Variants in SEL1L3 observed in about 807,000 individuals in gnomAD.
SEL1L3 encodes the protein SEL1L family member 3.
In SEL1L3, 76 loss-of-function variants were observed where a neutral mutation model predicts 142.8. That is an observed-to-expected ratio of 0.53 (90% CI 0.44 to 0.64). The LOEUF (loss-of-function observed/expected upper bound fraction) is 0.64. SEL1L3 is among the 30% of genes least tolerant of loss of function. The pLI is 0.00. For missense variants in SEL1L3, 1,262 were observed against 1,381.7 expected (o/e 0.91, Z 1.37); for synonymous variants, 504 against 519.6 (o/e 0.97, Z 0.41).
At chr4:25,762,649 T>C (rs1489874663) in intron 20 of SEL1L3, among the ~76,000 whole-genome samples, 4 of 152,270 alleles carry the variant, frequency 2.6e-5, no homozygotes, top group African/African-American at 9.6e-5. Context: ...TGTAATAAAA[T>C]GCACACAATC....
downstream of SEL1L3, among the ~76,000 whole-genome samples, chr4:25,746,548 G>A (rs76708721): frequency 0.61 from 74,019 of 122,020 alleles, 22,586 homozygotes; most frequent in East Asian, 0.69. Flanking sequence ...ATATTCAAAT[G>A]TATATATTTA....
chr4:25,820,070 A>C, intron 7 of SEL1L3, 130 bp from the exon 8 acceptor site: 4 of 785,784 alleles, frequency 5.1e-6, no homozygotes, highest in South Asian at 1.7e-5. Context: ...TACACATATC[A>C]TCCACTCTGG....
chr4:25,820,062 C>T (rs1714651558), intron 7 of SEL1L3, 122 bp from the exon 8 acceptor site: 10 of 849,994 alleles, frequency 1.2e-5, no homozygotes, highest in Non-Finnish European at 1.8e-5. Context: ...CTCGTTTGTA[C>T]ACATATCATC....
chr4:25,747,184 A>G (rs1304294261), downstream of SEL1L3, among the ~76,000 whole-genome samples: 2 of 152,228 alleles, frequency 1.3e-5, no homozygotes, highest in Admixed American at 6.5e-5. Flanking sequence ...CCAGGCTCAG[A>G]GCAGCACAAA....
At chr4:25,807,865 A>G (rs575357962) in intron 9 of SEL1L3, among the ~76,000 whole-genome samples, 1 of 152,358 alleles carries the variant, frequency 6.6e-6, no homozygotes, top group African/African-American at 2.4e-5. Context: ...AGGTTGAAAC[A>G]CAGGCAGTTT....
chr4:25,742,091 C>T, the SEL1L3 span, among the ~76,000 whole-genome samples: 2 of 151,954 alleles, frequency 1.3e-5, no homozygotes, highest in East Asian at 3.9e-4. Flanking sequence ...GGATTACAAG[C>T]GTGAGCCACC....
Position 25,820,078 on chromosome 4 carries a change from T to A in SEL1L3, c.1291-138A>T, listed in dbSNP as rs192213313. ...TCGTTTGTACACATATCATCCACTCTGGATTTGCAAAGCAAGGTCATTGGT... is the reference window on the plus strand; with the variant it reads ...TCGTTTGTACACATATCATCCACTCAGGATTTGCAAAGCAAGGTCATTGGT... On this transcript the variant is annotated intron_variant, in intron 7 of 23. Transcript: ENST00000399878. 1.9e-3 allele frequency: 1,395 copies of A among 738,218 alleles called. 7 individuals carry two copies. The highest frequency in any genetic ancestry group is 2.0e-3 in the Non-Finnish European group (914 of 453,440). The allele number at this position is 738,218 out of a possible 1,614,324, so 45.7% of individuals were successfully genotyped here.
intron 17 of SEL1L3, among the ~76,000 whole-genome samples, chr4:25,769,179 G>C (rs1214612599): frequency 1.3e-5 from 2 of 152,150 alleles, no homozygotes; most frequent in African/African-American, 4.8e-5. Context: ...GGTGGGGAAA[G>C]GTTCGGTGAG....
chr4:25,862,597 G>T, intron 1 of SEL1L3, 78 bp downstream of exon 1: 1 of 730,066 alleles, frequency 1.4e-6, no homozygotes, highest in Non-Finnish European at 1.8e-6. Context: ...CCCGCGTGGC[G>T]GGTGTCCCCG....
the SEL1L3 span, among the ~76,000 whole-genome samples, chr4:25,739,940 AT>A: frequency 6.6e-6 from 1 of 151,316 alleles, no homozygotes; most frequent in Non-Finnish European, 1.5e-5. Context: ...TCATCAATGT[AT>A]TTTTTAACTG....
downstream of SEL1L3, among the ~76,000 whole-genome samples, chr4:25,745,396 A>G (rs75759374): frequency 1.7e-5 from 2 of 117,604 alleles, no homozygotes; most frequent in African/African-American, 4.4e-5. Context: ...CTCAGTCTCA[A>G]AAAAAAAAAA....
chr4:25,822,131 A>G lies in SEL1L3; in HGVS notation c.1158-3T>C. The G allele has an allele frequency of 2.5e-6, 4 of 1,613,950 alleles. No homozygotes were observed. The highest frequency in any genetic ancestry group is 1.7e-6 in the Non-Finnish European group (2 of 1,179,824). The stretch of plus-strand genomic sequence containing the variant: ...TATAATGGAAATCCTCCCGGAAGCT[A>G]GAGAAGAGAATGAAGGATTAAGAGA... On this transcript the variant is annotated splice_polypyrimidine_tract_variant and splice_region_variant and intron_variant, in intron 6 of 23. Coordinates refer to ENST00000399878, the MANE Select transcript of SEL1L3 (RefSeq NM_015187.5).
chr4:25,731,484 C>T, the SEL1L3 span, among the ~76,000 whole-genome samples: 3 of 152,138 alleles, frequency 2.0e-5, no homozygotes, highest in East Asian at 5.8e-4. Context: ...GAAAAGCATC[C>T]TTCCCTCCCT....
At chr4:25,821,483 G>C (rs552596157) in intron 7 of SEL1L3, among the ~76,000 whole-genome samples, 1 of 152,326 alleles carries the variant, frequency 6.6e-6, no homozygotes, top group East Asian at 1.9e-4. Flanking sequence ...TATGGATGTG[G>C]AAGGCACTGT....
At chr4:25,751,982 A>C (rs74818740) in intron 23 of SEL1L3, among the ~76,000 whole-genome samples, 1 of 150,702 alleles carries the variant, frequency 6.6e-6, no homozygotes, top group African/African-American at 2.4e-5. Flanking sequence ...GGTGGCGTGC[A>C]TCTGTAATCT....
At chr4:25,804,446 G>A (rs1285657149) in intron 10 of SEL1L3, 95 bp downstream of exon 10, 3 of 881,960 alleles carry the variant, frequency 3.4e-6, no homozygotes, top group Admixed American at 4.1e-5. Flanking sequence ...TCTCCAAGGA[G>A]CTGCAACATG....
At chr4:25,794,807 A>T (rs1413341103) in intron 11 of SEL1L3, among the ~76,000 whole-genome samples, 1 of 152,204 alleles carries the variant, frequency 6.6e-6, no homozygotes, top group Non-Finnish European at 1.5e-5. Context: ...AATCAACCCA[A>T]ATGCCCATCA....
chr4:25,837,799 T>A (rs1715933318), intron 2 of SEL1L3, among the ~76,000 whole-genome samples: 1 of 152,164 alleles, frequency 6.6e-6, no homozygotes, highest in Non-Finnish European at 1.5e-5. Flanking sequence ...TTTATCAGGA[T>A]AACATATAGA....
chr4:25,839,973 T>G (rs1716068189), intron 2 of SEL1L3, among the ~76,000 whole-genome samples: 1 of 152,156 alleles, frequency 6.6e-6, no homozygotes, highest in African/African-American at 2.4e-5. Context: ...CGATAAAAAT[T>G]CAACTTTAAA....
Sources: gnomAD v4.1 joint callset for allele counts (sites outside exome capture counted in the v4.1 genomes callset) on GRCh38, gnomAD v4.1.1 for gene constraint, MANE v1.5 for transcripts, NCBI Gene and HGNC (gene_info 2026-07-23, HGNC 2026-07-21) for gene names.